The following GLCE variants were observed in gnomAD, a reference collection of about 807,000 sequenced individuals.
The protein encoded by GLCE is D-glucuronyl C5-epimerase.
A neutral mutation model predicts 47.9 loss-of-function variants in GLCE; 19 were observed. The observed-to-expected ratio is 0.40, with a 90% confidence interval of 0.28 to 0.58. The LOEUF (loss-of-function observed/expected upper bound fraction) is 0.58, where lower values mean the gene tolerates loss of function less well. Ranked by LOEUF, GLCE falls within the 20% of genes least tolerant of loss-of-function variation. The probability of loss-of-function intolerance (pLI) is 0.48; values close to 1 mark genes in which losing one functional copy is unlikely to be tolerated. For synonymous variants in GLCE, 245 were observed against 263.4 expected (o/e 0.93, Z 0.68); for missense variants, 556 against 743.3 (o/e 0.75, Z 2.93).
At chr15:69,178,621 A>C (rs180799999) in intron 1 of GLCE, among the ~76,000 whole-genome samples, 1 of 152,270 alleles carries the variant, frequency 6.6e-6, no homozygotes, top group East Asian at 1.9e-4. Flanking sequence ...ACAGGAGAAC[A>C]TTTTTTGATT....
chr15:69,168,779 A>G (rs8035394), intron 1 of GLCE, among the ~76,000 whole-genome samples: 104,022 of 152,026 alleles, frequency 0.68, 36,950 homozygotes, highest in Non-Finnish European at 0.77. Context: ...TGATCCGCCT[A>G]CCTCGGCCTC....
chr15:69,167,891 C>G (rs1436197089), intron 1 of GLCE, among the ~76,000 whole-genome samples: 1 of 151,182 alleles, frequency 6.6e-6, no homozygotes, highest in African/African-American at 2.4e-5. Context: ...TTCAGCCACA[C>G]TCCTCACTGT....
At chr15:69,264,846 A>T (rs2053063618) in intron 4 of GLCE, among the ~76,000 whole-genome samples, 1 of 152,246 alleles carries the variant, frequency 6.6e-6, no homozygotes, top group Admixed American at 6.5e-5. Context: ...GTCTTCTTTG[A>T]AAAAGTGTCT....
intron 2 of GLCE, among the ~76,000 whole-genome samples, chr15:69,243,286 C>T (rs951454767): frequency 1.3e-5 from 2 of 152,078 alleles, no homozygotes; most frequent in African/African-American, 2.4e-5. Context: ...GCAATAACCA[C>T]GAATGTGTCT....
chr15:69,223,559 T>A (rs973503580), intron 2 of GLCE, among the ~76,000 whole-genome samples: 3 of 152,204 alleles, frequency 2.0e-5, no homozygotes, highest in Non-Finnish European at 4.4e-5. Flanking sequence ...TATGGGTCTC[T>A]GAGTTCATGC....
chr15:69,191,656 G>T (rs565491234), intron 1 of GLCE, among the ~76,000 whole-genome samples: 1 of 152,162 alleles, frequency 6.6e-6, no homozygotes. Context: ...CAAAATTCCA[G>T]TTTCCAAGAA....
rs147240443 is a variant in GLCE, at chr15:69,225,864, A to T, written c.-14+15458A>T. Among the ~76,000 whole-genome samples the T allele has an allele frequency of 1.5e-3, 231 of 152,370 alleles. No homozygotes were observed. The Middle Eastern group carries it at 0.017, about 11-fold the overall frequency. On this transcript the variant is annotated intron_variant, in intron 2 of 4. Transcript: ENST00000261858. ...AACTTTTTCTTAAATACACAGAGTTAATAAGTGATAGAGCCAGGATTCAAA... is the reference window on the plus strand; with the variant it reads ...AACTTTTTCTTAAATACACAGAGTTTATAAGTGATAGAGCCAGGATTCAAA...
intron 2 of GLCE, among the ~76,000 whole-genome samples, chr15:69,233,460 A>C (rs754107356): frequency 2.0e-5 from 3 of 152,248 alleles, no homozygotes; most frequent in African/African-American, 7.2e-5. Context: ...CAAGAAATAG[A>C]CATCAATAAC....
At chr15:69,161,730 GTTTTC>G (rs2051424994) in intron 1 of GLCE, among the ~76,000 whole-genome samples, 1 of 152,224 alleles carries the variant, frequency 6.6e-6, no homozygotes, top group African/African-American at 2.4e-5. Context: ...TTGTTCTGCA[GTTTTC>G]TTTTCTCTGC....
intron 2 of GLCE, among the ~76,000 whole-genome samples, chr15:69,234,687 T>C (rs1329832813): frequency 6.6e-6 from 1 of 152,212 alleles, no homozygotes; most frequent in African/African-American, 2.4e-5. Context: ...CTACACCCTT[T>C]GATCAGCATG....
At chr15:69,182,294 T>TGA (rs1396909684) in intron 1 of GLCE, among the ~76,000 whole-genome samples, 4 of 151,318 alleles carry the variant, frequency 2.6e-5, no homozygotes, top group African/African-American at 9.7e-5. Flanking sequence ...TGTGTGTGTG[T>TGA]GTGTGAGAGA....
At position 69,231,784 on chromosome 15, in the gene GLCE, T is replaced by TTTTTG. The variant is rs750654373; in HGVS notation, c.-14+21393_-14+21397dup. ...ATGTGATTCAGATATCTATCTATCT[T>TTTTTG]TTTTGTTTTGTTTTGTTTTTTCTGA... On this transcript the variant is annotated intron_variant, in intron 2 of 4. Coordinates refer to ENST00000261858, the MANE Select transcript of GLCE (RefSeq NM_015554.3). Among the ~76,000 whole-genome samples, 14 of 152,226 alleles carry TTTTTG rather than the reference T, an allele frequency of 9.2e-5. No homozygotes were observed. In the South Asian group the frequency reaches 1.5e-3, roughly 16 times the overall value.
At chr15:69,177,363 T>C (rs1331780482) in intron 1 of GLCE, among the ~76,000 whole-genome samples, 1 of 152,166 alleles carries the variant, frequency 6.6e-6, no homozygotes, top group Non-Finnish European at 1.5e-5. Flanking sequence ...GCACCCGGCC[T>C]TGCTTGTGTT....
At position 69,268,553 on chromosome 15, in the gene GLCE, A is replaced by C. The variant is rs750640005; in HGVS notation, c.1163A>C (p.Lys388Thr). ...KKVVRLIAKGKGFLDNITIST... is the reference protein window; with the variant it reads ...KKVVRLIAKGTGFLDNITIST... Reference sequence around the variant, plus strand: ...GTGGTTAGGTTGATTGCAAAAGGTAAGGGATTCCTCGACAACATTACCATC... The same window carrying C: ...GTGGTTAGGTTGATTGCAAAAGGTACGGGATTCCTCGACAACATTACCATC... The change falls in exon 5 of 5, where the codon AAG (lysine) becomes ACG (threonine). Residue 388 changes from lysine (K) to threonine (T), a missense_variant. Around this residue, in one of 3 missense-constraint regions of GLCE, gnomAD observed 245 missense variants for 368.1 expected, o/e 0.67. Transcript: ENST00000261858. The C allele has an allele frequency of 6.2e-7, 1 of 1,614,222 alleles. No homozygotes were observed. Among genetic ancestry groups the C allele is most frequent in the East Asian group, 2.2e-5 (1 of 44,888 alleles).
intron 1 of GLCE, among the ~76,000 whole-genome samples, chr15:69,163,258 C>G (rs531962845): frequency 6.6e-6 from 1 of 152,204 alleles, no homozygotes; most frequent in African/African-American, 2.4e-5. Context: ...CTAAGTAAGG[C>G]ATAGACTGAT....
At chr15:69,177,862 G>T (rs2051693595) in intron 1 of GLCE, among the ~76,000 whole-genome samples, 1 of 152,122 alleles carries the variant, frequency 6.6e-6, no homozygotes, top group Non-Finnish European at 1.5e-5. Flanking sequence ...TACATAGTAT[G>T]TACTTTTCTT....
intron 2 of GLCE, among the ~76,000 whole-genome samples, chr15:69,254,846 T>TA (rs1595785316): frequency 6.6e-6 from 1 of 152,248 alleles, no homozygotes; most frequent in African/African-American, 2.4e-5. Flanking sequence ...CAGCCTTGTA[T>TA]TTAAAGGCAT....
At chr15:69,172,116 AT>A (rs1312727224) in intron 1 of GLCE, among the ~76,000 whole-genome samples, 2 of 152,156 alleles carry the variant, frequency 1.3e-5, no homozygotes, top group African/African-American at 4.8e-5. Context: ...ATTCATACTG[AT>A]TTTTTAAAAG....
intron 2 of GLCE, among the ~76,000 whole-genome samples, chr15:69,221,476 G>A (rs1480582609): frequency 6.6e-6 from 1 of 151,856 alleles, no homozygotes; most frequent in Non-Finnish European, 1.5e-5. Flanking sequence ...TAATTTCTAA[G>A]TATATTATTC....
Sources: gnomAD v4.1 joint callset for allele counts (sites outside exome capture counted in the v4.1 genomes callset) on GRCh38, gnomAD v4.1.1 for gene constraint, gnomAD v4.1.1 regional missense constraint, MANE v1.5 for transcripts, NCBI Gene and HGNC (gene_info 2026-07-23, HGNC 2026-07-21) for gene names.